Variants in ASAP1 observed in about 807,000 individuals in gnomAD.
ASAP1 encodes arf-GAP with SH3 domain, ANK repeat and PH domain-containing protein 1.
A neutral mutation model predicts 145.2 loss-of-function variants in ASAP1; 43 were observed. The ratio of observed to expected loss-of-function variants is 0.30; its 90% CI spans 0.23 to 0.38. The LOEUF is 0.38. ASAP1 is among the 10% of genes least tolerant of loss of function. The pLI is 1.00. For missense variants in ASAP1, 1,018 were observed against 1,355.3 expected (o/e 0.75, Z 3.91); for synonymous variants, 546 against 515.5 (o/e 1.06, Z -0.80).
chr8:130,222,764 T>C (rs111294529), intron 4 of ASAP1, among the ~76,000 whole-genome samples: 2,998 of 152,328 alleles, frequency 0.02, 52 homozygotes, highest in Middle Eastern at 0.065. Flanking sequence ...CATTATCTCG[T>C]TCAGTGTTCA....
At chr8:130,244,753 G>A (rs1818744641) in intron 3 of ASAP1, among the ~76,000 whole-genome samples, 1 of 152,142 alleles carries the variant, frequency 6.6e-6, no homozygotes, top group African/African-American at 2.4e-5. Flanking sequence ...GAAGAAGGGA[G>A]CTAACTAAGA....
chr8:130,203,272 C>T (rs947971941), intron 5 of ASAP1, among the ~76,000 whole-genome samples: 2 of 152,174 alleles, frequency 1.3e-5, no homozygotes, highest in Non-Finnish European at 2.9e-5. Context: ...TGCTCCCAGG[C>T]AAGAAGATGC....
chr8:130,281,456 T>C (rs1277228921), intron 3 of ASAP1, among the ~76,000 whole-genome samples: 1 of 152,210 alleles, frequency 6.6e-6, no homozygotes, highest in African/African-American at 2.4e-5. Flanking sequence ...CCTTGATTTT[T>C]TTAATCATGA....
intron 3 of ASAP1, among the ~76,000 whole-genome samples, chr8:130,324,346 G>A (rs964956555): frequency 2.6e-5 from 4 of 152,180 alleles, no homozygotes; most frequent in Non-Finnish European, 5.9e-5. Flanking sequence ...GAGTATGGCC[G>A]AAACTGTCTA....
intron 5 of ASAP1, among the ~76,000 whole-genome samples, chr8:130,196,817 G>A (rs1435492028): frequency 1.3e-5 from 2 of 152,202 alleles, no homozygotes; most frequent in African/African-American, 2.4e-5. Context: ...AGTTAAGTCT[G>A]CGATTCCCTG....
intron 3 of ASAP1, among the ~76,000 whole-genome samples, chr8:130,256,738 C>CA (rs1284377218): frequency 0.13 from 9,183 of 69,532 alleles, 1,072 homozygotes; most frequent in Non-Finnish European, 0.16. Flanking sequence ...TATACACATT[C>CA]TTATATATAT....
intron 5 of ASAP1, among the ~76,000 whole-genome samples, chr8:130,195,681 G>A (rs1815435803): frequency 6.6e-6 from 1 of 152,156 alleles, no homozygotes; most frequent in Admixed American, 6.5e-5. Context: ...ATCAAACAGA[G>A]GGAGGCCGAG....
intron 3 of ASAP1, chr8:130,340,782 G>A (rs1825324755): frequency 1.7e-5 from 7 of 400,954 alleles, no homozygotes; most frequent in South Asian, 1.2e-4. Context: ...GCTATTTTAA[G>A]GATAAAATTT....
chr8:130,418,480 G>A (rs552644437), intron 1 of ASAP1, among the ~76,000 whole-genome samples: 10 of 152,124 alleles, frequency 6.6e-5, no homozygotes, highest in Admixed American at 1.3e-4. Context: ...CTCAGGAGGC[G>A]GAGGTTGCAG....
At chr8:130,279,438 G>C (rs1821123936) in intron 3 of ASAP1, among the ~76,000 whole-genome samples, 1 of 152,322 alleles carries the variant, frequency 6.6e-6, no homozygotes, top group Non-Finnish European at 1.5e-5. Flanking sequence ...GCAGATGTTA[G>C]AAATCCACTT....
At chr8:130,367,004 A>G (rs1280809652) in intron 2 of ASAP1, among the ~76,000 whole-genome samples, 1 of 147,658 alleles carries the variant, frequency 6.8e-6, no homozygotes, top group Non-Finnish European at 1.5e-5. Flanking sequence ...CGATTCTCCT[A>G]CCTCAGCCTC....
chr8:130,169,476 C>G (rs1813431818), intron 9 of ASAP1, among the ~76,000 whole-genome samples: 1 of 152,078 alleles, frequency 6.6e-6, no homozygotes, highest in Non-Finnish European at 1.5e-5. Context: ...GATCTGGACA[C>G]TATAAAGAGA....
intron 3 of ASAP1, among the ~76,000 whole-genome samples, chr8:130,254,555 A>C (rs1223715830): frequency 6.6e-6 from 1 of 152,210 alleles, no homozygotes; most frequent in East Asian, 1.9e-4. Flanking sequence ...ATTGCAAACA[A>C]ATACATTAAA....
At chr8:130,431,018 C>T (rs761879096) in intron 1 of ASAP1, among the ~76,000 whole-genome samples, 4 of 152,114 alleles carry the variant, frequency 2.6e-5, no homozygotes, top group Non-Finnish European at 4.4e-5. Flanking sequence ...CTCTAAGGGA[C>T]GCACACACTA....
At chr8:130,245,372 T>G (rs367984895) in intron 3 of ASAP1, among the ~76,000 whole-genome samples, 2 of 152,180 alleles carry the variant, frequency 1.3e-5, no homozygotes, top group African/African-American at 4.8e-5. Flanking sequence ...TACAGCTTAA[T>G]GGCTGCATGG....
chr8:130,333,178 C>G (rs184391089), intron 3 of ASAP1, among the ~76,000 whole-genome samples: 6 of 152,302 alleles, frequency 3.9e-5, no homozygotes, highest in Non-Finnish European at 7.4e-5. Flanking sequence ...CTAAGCACCC[C>G]CAACCCTAGT....
intron 3 of ASAP1, among the ~76,000 whole-genome samples, chr8:130,338,976 C>T (rs890911120): frequency 5.3e-5 from 8 of 152,190 alleles, no homozygotes; most frequent in African/African-American, 1.9e-4. Context: ...GTAACAAAAG[C>T]ACCTGGGCAC....
chr8:130,206,076 A>T (rs1460663554), intron 5 of ASAP1, among the ~76,000 whole-genome samples: 2 of 152,116 alleles, frequency 1.3e-5, no homozygotes, highest in Non-Finnish European at 2.9e-5. Flanking sequence ...TTTTAAATAG[A>T]AGGAGTTAAA....
intron 1 of ASAP1, among the ~76,000 whole-genome samples, chr8:130,442,681 G>T (rs534423986): frequency 6.6e-6 from 1 of 152,216 alleles, no homozygotes; most frequent in East Asian, 1.9e-4. Context: ...AACGATGATG[G>T]TCTGCAGTTG....
Sources: gnomAD v4.1 joint callset for allele counts (sites outside exome capture counted in the v4.1 genomes callset) on GRCh38, gnomAD v4.1.1 for gene constraint, MANE v1.5 for transcripts, NCBI Gene and HGNC (gene_info 2026-07-23, HGNC 2026-07-21) for gene names.